GALK2: variants seen among roughly 807,000 people sequenced by gnomAD.
GALK2 encodes N-acetylgalactosamine kinase.
In GALK2, 36 loss-of-function variants were observed where a neutral mutation model predicts 52.4. The ratio of observed to expected loss-of-function variants is 0.69; its 90% confidence interval spans 0.53 to 0.91. The LOEUF (loss-of-function observed/expected upper bound fraction) is 0.91, where lower values mean the gene tolerates loss of function less well. Among genes scored for constraint, GALK2 ranks in the 40% least tolerant of loss-of-function variants. The pLI, the probability that GALK2 is intolerant of heterozygous loss-of-function variation, is 0.00. For missense variants in GALK2, 579 were observed against 559.1 expected, an observed-to-expected ratio of 1.04 and a Z score of -0.36; for synonymous variants, 176 against 199.1, an observed-to-expected ratio of 0.88 and a Z score of 0.98.
chr15:49,320,890 G>A lies in GALK2; in HGVS notation c.1169+1085G>A, dbSNP rs574790625. On this transcript the variant is annotated intron_variant, in intron 9 of 9. Coordinates refer to ENST00000560031, the MANE Select transcript of GALK2 (RefSeq NM_002044.4). ...GAGGAAGTGGAATTATTTCTGCAGA[G>A]ATCAGGAAGAAATGTCTTTGCCTGG... Among the ~76,000 whole-genome samples the A allele has an allele frequency of 8.7e-4, 132 of 152,344 alleles. 1 individual carries two copies. Among genetic ancestry groups the A allele is most frequent in the African/African-American group, 3.0e-3 (123 of 41,588 alleles).
At chr15:49,311,162 C>G (rs1418260873) in intron 8 of GALK2, among the ~76,000 whole-genome samples, 1 of 152,138 alleles carries the variant, frequency 6.6e-6, no homozygotes, top group Non-Finnish European at 1.5e-5. Context: ...TTTCCTCAAT[C>G]TAACTGGAAT....
chr15:49,174,126 T>A (rs926467429), intron 1 of GALK2, among the ~76,000 whole-genome samples: 1 of 152,184 alleles, frequency 6.6e-6, no homozygotes, highest in Admixed American at 6.5e-5. Context: ...ATTTCTAATT[T>A]TTCTCTCTTG....
chr15:49,323,040 A>G (rs1306142527), intron 9 of GALK2, among the ~76,000 whole-genome samples: 1 of 152,028 alleles, frequency 6.6e-6, no homozygotes, highest in Non-Finnish European at 1.5e-5. Flanking sequence ...AAGAATGCAG[A>G]AATTAGTGGG....
At position 49,217,252 on chromosome 15, in the gene GALK2, A is replaced by G. The variant is rs751326500; in HGVS notation, c.205A>G (p.Ile69Val). 2 of 1,613,144 alleles carry G rather than the reference A, an allele frequency of 1.2e-6. No individual in the cohort carries two copies. Among genetic ancestry groups the G allele is most frequent in the South Asian group, 1.1e-5 (1 of 91,060 alleles). Reference sequence around the variant, plus strand: ...TATGGCTGTAGAACAAGATGTGCTAATAGCTGTAGAACCTGTGAAAACGTA... The same window carrying G: ...TATGGCTGTAGAACAAGATGTGCTAGTAGCTGTAGAACCTGTGAAAACGTA... ...LPMAVEQDVL[I>V]AVEPVKTYAL... is the part of the protein sequence containing the mutation. The change falls in exon 3 of 10, where the codon ATA becomes GTA. Residue 69 changes from isoleucine to valine, a missense_variant. By Grantham distance (29) the Ile-to-Val change is conservative (BLOSUM62 3). Coordinates refer to ENST00000560031, the MANE Select transcript of GALK2 (RefSeq NM_002044.4).
intron 3 of GALK2, chr15:49,226,691 C>T (rs535869174): frequency 2.6e-5 from 4 of 152,082 alleles, no homozygotes; most frequent in African/African-American, 9.6e-5. Flanking sequence ...TATTTGAACT[C>T]TTTCTTTCTA....
intron 1 of GALK2, chr15:49,177,965 G>T (rs1265555968): frequency 1.9e-5 from 3 of 154,762 alleles, no homozygotes; most frequent in African/African-American, 7.3e-5. Context: ...AGACCAGCCT[G>T]GCCAACATGG....
At chr15:49,211,341 T>G (rs1486212938) in intron 2 of GALK2, among the ~76,000 whole-genome samples, 1 of 152,218 alleles carries the variant, frequency 6.6e-6, no homozygotes, top group Non-Finnish European at 1.5e-5. Flanking sequence ...TGGGACTTCA[T>G]TGTTCATATT....
chr15:49,283,754 G>A, intron 7 of GALK2, 36 bp downstream of exon 7: 2 of 1,601,016 alleles, frequency 1.2e-6, no homozygotes, highest in Non-Finnish European at 1.7e-6. Flanking sequence ...CTTGAAGTAG[G>A]GTTTTTCTTG....
At chr15:49,240,991 C>T (rs1421220650) in intron 5 of GALK2, among the ~76,000 whole-genome samples, 1 of 152,032 alleles carries the variant, frequency 6.6e-6, no homozygotes, top group East Asian at 1.9e-4. Flanking sequence ...TAGATAGATT[C>T]AAGATCTCAG....
intron 3 of GALK2, among the ~76,000 whole-genome samples, chr15:49,231,000 T>C (rs910700730): frequency 2.0e-5 from 3 of 149,406 alleles, no homozygotes; most frequent in African/African-American, 4.9e-5. Context: ...CAAAAAGCAG[T>C]TTTTTTTTGT....
chr15:49,158,346 T>C (rs1256269050), intron 1 of GALK2, among the ~76,000 whole-genome samples: 1 of 152,246 alleles, frequency 6.6e-6, no homozygotes, highest in Admixed American at 6.5e-5. Flanking sequence ...TAAGCATGTC[T>C]TTGAATGTAG....
At chr15:49,249,358 A>G (rs1464532486) in intron 5 of GALK2, among the ~76,000 whole-genome samples, 3 of 152,144 alleles carry the variant, frequency 2.0e-5, no homozygotes, top group African/African-American at 4.8e-5. Flanking sequence ...TCTGTGGCCA[A>G]TTTGCTCTGT....
intron 5 of GALK2, among the ~76,000 whole-genome samples, chr15:49,257,682 G>T (rs2091870193): frequency 6.6e-6 from 1 of 152,056 alleles, no homozygotes; most frequent in Non-Finnish European, 1.5e-5. Context: ...CAGTTTTCAA[G>T]TGTGAGTTTT....
At chr15:49,359,839 C>T (rs1432077191) in intron 3 of GALK2, among the ~76,000 whole-genome samples, 2 of 138,486 alleles carry the variant, frequency 1.4e-5, no homozygotes, top group Non-Finnish European at 3.2e-5. Flanking sequence ...GGAACCAACC[C>T]AAATGTCCAA....
chr15:49,292,601 T>A (rs2034050127), intron 8 of GALK2, 64 bp downstream of exon 8: 1 of 1,320,432 alleles, frequency 7.6e-7, no homozygotes, highest in South Asian at 1.3e-5. Context: ...AGGTTTCAAT[T>A]TCTCCACTGG....
At chr15:49,185,533 T>C (rs565225002) in intron 1 of GALK2, 1 of 152,342 alleles carries the variant, frequency 6.6e-6, no homozygotes, top group East Asian at 1.9e-4. Context: ...AGGTCTGTTT[T>C]AAGTTCTTTG....
intron 5 of GALK2, among the ~76,000 whole-genome samples, chr15:49,251,998 C>G (rs1404141561): frequency 1.3e-5 from 2 of 151,990 alleles, no homozygotes; most frequent in Admixed American, 1.3e-4. Flanking sequence ...CGGTGCGGTG[C>G]CTCATGCCTG....
chr15:49,315,916 C>G (rs1042263123), intron 8 of GALK2, among the ~76,000 whole-genome samples: 1 of 152,062 alleles, frequency 6.6e-6, no homozygotes, highest in African/African-American at 2.4e-5. Context: ...TGGATAGTTT[C>G]TATTTTAAAA....
At chr15:49,295,873 A>G (rs892989596) in intron 8 of GALK2, among the ~76,000 whole-genome samples, 2 of 152,132 alleles carry the variant, frequency 1.3e-5, no homozygotes, top group African/African-American at 4.8e-5. Context: ...CTCTGTATCC[A>G]TCTTCCTTTC....
Sources: gnomAD v4.1 joint callset for allele counts (sites outside exome capture counted in the v4.1 genomes callset) on GRCh38, gnomAD v4.1.1 for gene constraint, MANE v1.5 for transcripts, NCBI Gene and HGNC (gene_info 2026-07-23, HGNC 2026-07-21) for gene names.